Variants in TULP1 observed in about 807,000 individuals in gnomAD.
TULP1 encodes the protein TUB like protein 1.
TULP1 carries 50 observed loss-of-function variants against 67.1 expected under a neutral mutation model. The observed-to-expected ratio is 0.75, with a 90% CI of 0.59 to 0.94. The LOEUF (loss-of-function observed/expected upper bound fraction) is 0.94, where lower values mean the gene tolerates loss of function less well. Ranked by LOEUF, TULP1 falls within the 40% of genes least tolerant of loss-of-function variation. The probability of loss-of-function intolerance (pLI) is 0.00; values close to 1 mark genes in which losing one functional copy is unlikely to be tolerated. For missense variants in TULP1, 746 were observed against 734.1 expected, an observed-to-expected ratio of 1.02 and a Z score of -0.19; for synonymous variants, 297 against 294.0, an observed-to-expected ratio of 1.01 and a Z score of -0.11.
Position 35,500,100 on chromosome 6 carries a change from A to T in TULP1, c.1376T>A (p.Ile459Lys), listed in dbSNP as rs121909075. The change falls in exon 14 of 15, where the codon ATA becomes AAA. Residue 459 changes from isoleucine to lysine, a missense_variant. Ile to Lys is a moderately radical substitution (Grantham distance 102). Coordinates refer to ENST00000229771, the MANE Select transcript of TULP1 (RefSeq NM_003322.6). ...RWQNKTLESLIELHNKPPVWN... is the reference protein window; with the variant it reads ...RWQNKTLESLKELHNKPPVWN... ...GACAGGTGGCTTGTTGTGCAGTTCT[A>T]TGAGGCTCTCCAGCGTCTTGTTCTG... 7 of 1,614,178 alleles carry T rather than the reference A, an allele frequency of 4.3e-6. No individual in the cohort carries two copies. The highest frequency in any genetic ancestry group is 5.1e-6 in the Non-Finnish European group (6 of 1,180,030).
At position 35,505,807 on chromosome 6, in the gene TULP1, T is replaced by C. The variant is rs1363048393; in HGVS notation, c.1046A>G (p.Asn349Ser). The change falls in exon 11 of 15, where the codon AAT becomes AGT. Residue 349 changes from asparagine (N) to serine (S), a missense_variant. By Grantham distance (46) the Asn-to-Ser change is conservative (BLOSUM62 1). This residue lies in a region of TULP1 where 383 missense variants were observed against 374.1 expected (regional missense o/e 1.02). Transcript: ENST00000229771. ...GRKRKRSKTA[N>S]YLISIDPTNL... ...GGTAGGGTCGATGGAGATGAGGTAATTGGCTGTCTTGCTCCGTTTTCGTTT... is the reference window on the plus strand; with the variant it reads ...GGTAGGGTCGATGGAGATGAGGTAACTGGCTGTCTTGCTCCGTTTTCGTTT... The C allele has an allele frequency of 1.2e-6, 2 of 1,614,146 alleles. No homozygotes were observed. The highest frequency in any genetic ancestry group is 2.2e-5 in the South Asian group (2 of 91,082).
intron 11 of TULP1, among the ~76,000 whole-genome samples, chr6:35,504,443 C>A (rs1466776253): frequency 6.6e-6 from 1 of 152,182 alleles, no homozygotes; most frequent in East Asian, 1.9e-4. Flanking sequence ...AGATCTTAGG[C>A]AAGGTATTTA....
intron 5 of TULP1, 99 bp from the exon 6 acceptor site, chr6:35,510,027 G>A (rs9688674): frequency 0.075 from 87,728 of 1,173,162 alleles, 3,964 homozygotes; most frequent in Admixed American, 0.15. Flanking sequence ...CAGGGAGGCT[G>A]AAAGCTTGAC....
chr6:35,499,084 T>C (rs1168039504), intron 14 of TULP1, among the ~76,000 whole-genome samples: 2 of 152,146 alleles, frequency 1.3e-5, no homozygotes, highest in Non-Finnish European at 2.9e-5. Context: ...TAGGATGCAG[T>C]TGGGGCTCGC....
rs1561816892 is a variant in TULP1 at position 35,509,273 on chromosome 6, T to C, written c.758A>G (p.Glu253Gly). The change falls in exon 8 of 15, where the codon GAG becomes GGG. Residue 253 changes from glutamate to glycine, a missense_variant. By Grantham distance (98) the Glu-to-Gly change is moderately conservative (BLOSUM62 -2). Transcript: ENST00000229771. Reference sequence around the variant, plus strand: ...CTTCTTTATCACCGTAGCTGCCTCCTCCTCCTCTTCTTCCTCCTTCCTCGC... The same window carrying C: ...CTTCTTTATCACCGTAGCTGCCTCCCCCTCCTCTTCTTCCTCCTTCCTCGC... ...KGARKEEEEE[E>G]EAATVIKKSN... The C allele has an allele frequency of 5.6e-6, 9 of 1,613,884 alleles. No individual in the cohort carries two copies. The highest frequency in any genetic ancestry group is 7.6e-6 in the Non-Finnish European group (9 of 1,179,840).
intron 13 of TULP1, among the ~76,000 whole-genome samples, chr6:35,501,891 C>G (rs985249694): frequency 6.6e-6 from 1 of 152,162 alleles, no homozygotes. Flanking sequence ...TCTCTCAGAG[C>G]AAAAATCAGT....
At position 35,503,722 on chromosome 6, in the gene TULP1, A is replaced by T; in HGVS notation, c.1224+15T>A. ...AGGGGAGCAGCCTGGCATGGGGGAC[A>T]GGTGGAGTCCTCACATAGATCACAG... On this transcript the variant is annotated intron_variant, in intron 12 of 14. Transcript: ENST00000229771. The surrounding 1 kb of genome is among the most constrained non-coding windows in gnomAD (Gnocchi z 4.0). 2 of 1,610,098 alleles carry T rather than the reference A, an allele frequency of 1.2e-6. No individual in the cohort carries two copies. Among genetic ancestry groups the T allele is most frequent in the Non-Finnish European group, 1.7e-6 (2 of 1,178,144 alleles).
At chr6:35,502,040 T>A (rs1314607003) in intron 13 of TULP1, among the ~76,000 whole-genome samples, 1 of 152,150 alleles carries the variant, frequency 6.6e-6, no homozygotes, top group Non-Finnish European at 1.5e-5. Context: ...GCCCAGGTGC[T>A]CTTCCCCCAG....
Position 35,504,179 on chromosome 6 carries a change from C to T in TULP1, c.1113-331G>A, listed in dbSNP as rs192283534. 73 of 303,998 alleles carry T rather than the reference C, an allele frequency of 2.4e-4. No homozygotes were observed. The East Asian group carries it at 5.3e-3, about 22-fold the overall frequency. 18.8% of individuals were successfully genotyped at this position (303,998 alleles called of 1,614,324 possible). A position where few individuals can be genotyped will look rare whatever the true frequency, so the allele number is the denominator to read the frequency against. ...CAAAAAACACCCGCCCTCTGCCCCC[C>T]ACCTGCCAAATTATCTAGGCACGGT... On this transcript the variant is annotated intron_variant, in intron 11 of 14. Transcript: ENST00000229771.
chr6:35,498,366 G>A lies in TULP1; in HGVS notation c.1590C>T (p.Ile530=), dbSNP rs1396500429. ...YPLCALQAFA[I]ALSSFDGKLA... ...GCTTCCCGTCGAAACTGGAGAGGGC[G>A]ATGGCGAAGGCCTGCAGGGCGCACA... Residue 530 remains isoleucine (I), a synonymous_variant, in exon 15 of 15, where the codon ATC becomes ATT. Coordinates refer to ENST00000229771, the MANE Select transcript of TULP1 (RefSeq NM_003322.6). This position sits in a 1 kb window ranked among gnomAD's most constrained non-coding sequence, Gnocchi z 6.7. The A allele has an allele frequency of 1.9e-6, 3 of 1,613,252 alleles. No individual in the cohort carries two copies. The highest frequency in any genetic ancestry group is 2.5e-6 in the Non-Finnish European group (3 of 1,179,826).
chr6:35,510,994 C>G lies in TULP1; in HGVS notation c.366G>C (p.Glu122Asp). The G allele has an allele frequency of 6.2e-7, 1 of 1,603,364 alleles. No homozygotes were observed. Among genetic ancestry groups the G allele is most frequent in the Non-Finnish European group, 8.5e-7 (1 of 1,176,548 alleles). ...PDAEDEEEEE[E>D]EDEEDEEEEA... ...CCTCTTCCTCGTCCTCCTCGTCCTCCTCTTCCTCCTCCTCCTCTGCAGGTA... is the reference window on the plus strand; with the variant it reads ...CCTCTTCCTCGTCCTCCTCGTCCTCGTCTTCCTCCTCCTCCTCTGCAGGTA... Residue 122 changes from glutamate to aspartate, a missense_variant, in exon 5 of 15, where the codon GAG (glutamate) becomes GAC (aspartate). Glu to Asp is a conservative substitution (Grantham distance 45). Transcript: ENST00000229771.
At chr6:35,507,203 C>CAAA (rs869194937) in intron 8 of TULP1, among the ~76,000 whole-genome samples, 5 of 71,968 alleles carry the variant, frequency 6.9e-5, no homozygotes, top group Non-Finnish European at 1.5e-4. Context: ...AACACTCAAG[C>CAAA]AAAAAAAAAA....
At position 35,512,192 on chromosome 6, in the gene TULP1, G is replaced by T; in HGVS notation, c.178C>A (p.Arg60=). ...GCACCCCGCCCACCTCCGGGCTTCC[G>T]GGGCTTGGATCCCGTGGGGCAGGGG... ...ESPCPTGSKP[R]KPGAGRTGRP... Residue 60 remains arginine (R), a synonymous_variant, in exon 3 of 15, where the codon CGG becomes AGG. Transcript: ENST00000229771. 1.5e-6 allele frequency: 2 copies of T among 1,346,922 alleles called. No homozygotes were observed. The highest frequency in any genetic ancestry group is 2.8e-5 in the East Asian group (1 of 36,076). 83.4% of individuals were successfully genotyped at this position (1,346,922 alleles called of 1,614,324 possible). A position where few individuals can be genotyped will look rare whatever the true frequency, so the allele number is the denominator to read the frequency against.
At chr6:35,508,399 G>A (rs141594298) in intron 8 of TULP1, among the ~76,000 whole-genome samples, 37 of 152,328 alleles carry the variant, frequency 2.4e-4, no homozygotes, top group Non-Finnish European at 4.3e-4. Context: ...CTTTCAGTTT[G>A]TACATCAGCA....
intron 2 of TULP1, 76 bp downstream of exon 2, chr6:35,512,563 C>G (rs1008089041): frequency 6.2e-7 from 1 of 1,600,980 alleles, no homozygotes; most frequent in Non-Finnish European, 8.6e-7. Flanking sequence ...TGTCCCACCC[C>G]TAGACCCCCT....
At chr6:35,509,384 C>T (rs1425875114) in intron 7 of TULP1, 72 bp from the exon 8 acceptor site, 3 of 1,410,830 alleles carry the variant, frequency 2.1e-6, no homozygotes, top group Non-Finnish European at 3.0e-6. Flanking sequence ...ACACCCATGT[C>T]TCACTTGGAT....
chr6:35,505,340 G>A (rs1761058258), intron 11 of TULP1, among the ~76,000 whole-genome samples: 1 of 152,198 alleles, frequency 6.6e-6, no homozygotes, highest in Non-Finnish European at 1.5e-5. Context: ...AGACAGCACA[G>A]GATAGTGCTG....
At position 35,498,319 on chromosome 6, in the gene TULP1, T is replaced by C. The variant is rs746702315; in HGVS notation, c.*8A>G. On this transcript the variant is annotated 3_prime_UTR_variant, in exon 15 of 15. Coordinates refer to ENST00000229771, the MANE Select transcript of TULP1 (RefSeq NM_003322.6). The surrounding 1 kb of genome is among the most constrained non-coding windows in gnomAD (Gnocchi z 6.7). ...ACGGGCTCTGGGGGCGCTGAGGGGCTGCTGGGGTCACTCGCAGGCCAGCTT... is the reference window on the plus strand; with the variant it reads ...ACGGGCTCTGGGGGCGCTGAGGGGCCGCTGGGGTCACTCGCAGGCCAGCTT... 3.1e-6 allele frequency: 5 copies of C among 1,611,980 alleles called. No homozygotes were observed. In the South Asian group the frequency reaches 4.4e-5, roughly 14 times the overall value.
chr6:35,507,889 G>A (rs539605031), intron 8 of TULP1, among the ~76,000 whole-genome samples: 8 of 152,156 alleles, frequency 5.3e-5, no homozygotes, highest in South Asian at 2.1e-4. Flanking sequence ...ATCTCAGCTC[G>A]CTGCAGCCTC....
Sources: gnomAD v4.1 joint callset for allele counts (sites outside exome capture counted in the v4.1 genomes callset) on GRCh38, gnomAD v4.1.1 for gene constraint, gnomAD v4.1.1 regional missense constraint, Gnocchi (gnomAD v3.1) non-coding constraint, MANE v1.5 for transcripts, NCBI Gene and HGNC (gene_info 2026-07-23, HGNC 2026-07-21) for gene names.